EBF3: variants seen among roughly 807,000 people sequenced by gnomAD.
EBF3 encodes the protein transcription factor COE3.
A neutral mutation model predicts 77.1 loss-of-function variants in EBF3; 18 were observed. The observed-to-expected ratio is 0.23, with a 90% CI of 0.16 to 0.35. The LOEUF (loss-of-function observed/expected upper bound fraction) is 0.35. Among genes scored for constraint, EBF3 ranks in the 10% least tolerant of loss-of-function variants. The pLI is 1.00. For synonymous variants in EBF3, 350 were observed against 343.5 expected, an observed-to-expected ratio of 1.02 and a Z score of -0.21; for missense variants, 558 against 860.0, an observed-to-expected ratio of 0.65 and a Z score of 4.39.
intron 6 of EBF3, among the ~76,000 whole-genome samples, chr10:129,921,268 G>A (rs1056099699): frequency 1.3e-5 from 2 of 152,184 alleles, no homozygotes; most frequent in African/African-American, 4.8e-5. Flanking sequence ...GGTGGTCACT[G>A]CAGTGGGGCC....
intron 4 of EBF3, among the ~76,000 whole-genome samples, chr10:129,959,510 A>G (rs1047420098): frequency 1.6e-4 from 24 of 151,984 alleles, no homozygotes; most frequent in Admixed American, 1.3e-3. Flanking sequence ...GTCGCGGCGC[A>G]GGAGCAGTTT....
rs1332769803 is a variant in EBF3 at position 129,841,769 on chromosome 10, T to A, written c.1372+347A>T. On this transcript the variant is annotated intron_variant, in intron 13 of 16. Transcript: ENST00000440978. The surrounding 1 kb of genome is among the most constrained non-coding windows in gnomAD (Gnocchi z 4.6). Reference sequence around the variant, plus strand: ...TGCAGTGCGTCCAAGCAGGCTCCCCTCAGCTCCCTAGGCCATGGCTATCCT... The same window carrying A: ...TGCAGTGCGTCCAAGCAGGCTCCCCACAGCTCCCTAGGCCATGGCTATCCT... Among the ~76,000 whole-genome samples, 1 of 152,104 alleles carries A rather than the reference T, an allele frequency of 6.6e-6. No individual in the cohort carries two copies. Among genetic ancestry groups the A allele is most frequent in the Non-Finnish European group, 1.5e-5 (1 of 67,998 alleles).
Position 129,839,170 on chromosome 10 carries a change from T to C in EBF3, c.1785A>G (p.Val595=). 1 of 1,302,604 alleles carries C rather than the reference T, an allele frequency of 7.7e-7. No individual in the cohort carries two copies. Among genetic ancestry groups the C allele is most frequent in the Non-Finnish European group, 1.0e-6 (1 of 987,346 alleles). The allele number at this position is 1,302,604 out of a possible 1,614,324, so 80.7% of individuals were successfully genotyped here. Residue 595 remains valine (V), a synonymous_variant, in exon 16 of 17, where the codon GTA becomes GTG. Transcript: ENST00000440978. ...LQGSLLGAED[V]AAEKTNWPFC... ...AGGGCCAGTTTGTCTTCTCCGCGGC[T>C]ACGTCCTCAGCACCCAGCAGAGAGC...
chr10:129,903,758 G>A (rs953116761), intron 6 of EBF3, among the ~76,000 whole-genome samples: 1 of 152,082 alleles, frequency 6.6e-6, no homozygotes, highest in African/African-American at 2.4e-5. Flanking sequence ...TTGCTGTCAT[G>A]GGGAGTCCAT....
intron 7 of EBF3, among the ~76,000 whole-genome samples, chr10:129,877,482 A>T (rs1294295367): frequency 4.6e-5 from 1 of 21,950 alleles, no homozygotes; most frequent in Non-Finnish European, 1.4e-4. Flanking sequence ...CTCTGTCTCC[A>T]AAAAAAAAAA....
intron 10 of EBF3, among the ~76,000 whole-genome samples, chr10:129,856,041 T>C (rs1851229854): frequency 6.6e-6 from 1 of 152,188 alleles, no homozygotes; most frequent in Non-Finnish European, 1.5e-5. Flanking sequence ...CACACTCCCG[T>C]GGGGACGTTC....
At chr10:129,962,767 C>G (rs945155671) in intron 3 of EBF3, among the ~76,000 whole-genome samples, 175 bp downstream of exon 3, 1 of 152,230 alleles carries the variant, frequency 6.6e-6, no homozygotes, top group African/African-American at 2.4e-5. Context: ...ACCGGTTAAT[C>G]ATGTGAAGTG....
chr10:129,846,710 C>A (rs973029769), intron 11 of EBF3, among the ~76,000 whole-genome samples: 4 of 151,994 alleles, frequency 2.6e-5, no homozygotes, highest in African/African-American at 9.7e-5. Context: ...TCCATTAGAA[C>A]AAAATCAAAT....
intron 8 of EBF3, among the ~76,000 whole-genome samples, chr10:129,871,477 A>G (rs905899969): frequency 1.3e-5 from 2 of 152,308 alleles, no homozygotes; most frequent in South Asian, 4.1e-4. Context: ...ATGAGGTGTT[A>G]GCTAGGAGAG....
chr10:129,840,558 T>C (rs888496228), intron 14 of EBF3, 116 bp from the exon 15 acceptor site: 3 of 1,202,188 alleles, frequency 2.5e-6, no homozygotes, highest in Non-Finnish European at 2.3e-6. Context: ...AAACATGACA[T>C]GCGTCTGGCT....
chr10:129,864,098 C>A lies in EBF3; in HGVS notation c.1039+3043G>T, dbSNP rs1851826348. Among the ~76,000 whole-genome samples the A allele has an allele frequency of 6.6e-6, 1 of 152,080 alleles. No homozygotes were observed. Among genetic ancestry groups the A allele is most frequent in the African/African-American group, 2.4e-5 (1 of 41,414 alleles). Reference sequence around the variant, plus strand: ...GGCACTTGGACAGGCTGGGTGGGGGCTGGAACTAAGGGGTCCACTGGTCCC... The same window carrying A: ...GGCACTTGGACAGGCTGGGTGGGGGATGGAACTAAGGGGTCCACTGGTCCC... On this transcript the variant is annotated intron_variant, in intron 10 of 16. Coordinates refer to ENST00000440978, the MANE Select transcript of EBF3 (RefSeq NM_001375380.1). This position sits in a 1 kb window ranked among gnomAD's most constrained non-coding sequence, Gnocchi z 4.4.
rs536215269 is a variant in EBF3, at chr10:129,848,799, G to A, written c.1040-319C>T. Among the ~76,000 whole-genome samples, 48 of 152,324 alleles carry A rather than the reference G, an allele frequency of 3.2e-4. No homozygotes were observed. The highest frequency in any genetic ancestry group is 1.1e-3 in the African/African-American group (47 of 41,574). On this transcript the variant is annotated intron_variant, in intron 10 of 16. Transcript: ENST00000440978. The surrounding 1 kb of genome is among the most constrained non-coding windows in gnomAD (Gnocchi z 4.4). ...GCAATCACCACCATCACGATGTGAT[G>A]TCTGCATCACACGGTGCCTTCCACA...
chr10:129,941,853 G>A (rs1465623223), intron 6 of EBF3, among the ~76,000 whole-genome samples: 1 of 152,092 alleles, frequency 6.6e-6, no homozygotes, highest in African/African-American at 2.4e-5. Context: ...ACTGCCAAGG[G>A]CAGACAGCAG....
At chr10:129,911,455 C>G (rs11592303) in intron 6 of EBF3, among the ~76,000 whole-genome samples, 62,293 of 152,004 alleles carry the variant, frequency 0.41, 13,384 homozygotes, top group Admixed American at 0.49. Flanking sequence ...CCCCATTCGC[C>G]CTCCCCTATC....
chr10:129,915,898 C>A (rs1855856750), intron 6 of EBF3, among the ~76,000 whole-genome samples: 1 of 152,176 alleles, frequency 6.6e-6, no homozygotes, highest in Non-Finnish European at 1.5e-5. Context: ...GGAGAGATGG[C>A]CCCTGGGGAG....
At chr10:129,886,659 C>T (rs1284526862) in intron 6 of EBF3, among the ~76,000 whole-genome samples, 4 of 151,798 alleles carry the variant, frequency 2.6e-5, no homozygotes, top group Admixed American at 6.6e-5. Context: ...ATTTTTTTTT[C>T]CCTGGGATTT....
intron 4 of EBF3, among the ~76,000 whole-genome samples, 189 bp from the exon 5 acceptor site, chr10:129,959,196 C>T (rs866006236): frequency 2.6e-5 from 4 of 152,246 alleles, no homozygotes; most frequent in Middle Eastern, 3.4e-3. Flanking sequence ...GATGGCTTCT[C>T]CCTCCCCTGC....
chr10:129,952,197 A>G lies in EBF3; in HGVS notation c.554+5061T>C, dbSNP rs1386313815. The stretch of plus-strand genomic sequence containing the variant: ...GCCAAGAGAGGATCTCCAGGACCCC[A>G]AGGCCTATCCAATGATAATTATATT... On this transcript the variant is annotated intron_variant, in intron 6 of 16. Coordinates refer to ENST00000440978, the MANE Select transcript of EBF3 (RefSeq NM_001375380.1). The surrounding 1 kb of genome is among the most constrained non-coding windows in gnomAD (Gnocchi z 4.7). Among the ~76,000 whole-genome samples, 4 of 152,268 alleles carry G rather than the reference A, an allele frequency of 2.6e-5. No homozygotes were observed. Among genetic ancestry groups the G allele is most frequent in the Non-Finnish European group, 5.9e-5 (4 of 68,050 alleles).
chr10:129,958,853 G>C (rs1859248867), intron 5 of EBF3, 81 bp downstream of exon 5: 1 of 1,467,682 alleles, frequency 6.8e-7, no homozygotes, highest in Non-Finnish European at 9.0e-7. Flanking sequence ...CGGGGTGGCG[G>C]CGCCTGGACG....
Sources: gnomAD v4.1 joint callset for allele counts (sites outside exome capture counted in the v4.1 genomes callset) on GRCh38, gnomAD v4.1.1 for gene constraint, Gnocchi (gnomAD v3.1) non-coding constraint, MANE v1.5 for transcripts, NCBI Gene and HGNC (gene_info 2026-07-23, HGNC 2026-07-21) for gene names.